The following CHD9 variants were observed in gnomAD, a reference collection of about 807,000 sequenced individuals.
CHD9 encodes the protein ATP-dependent chromatin remodeler CHD9.
A neutral mutation model predicts 316.1 loss-of-function variants in CHD9; 77 were observed. The observed-to-expected ratio is 0.24, with a 90% CI of 0.20 to 0.29. The LOEUF (loss-of-function observed/expected upper bound fraction) is 0.29, where lower values mean the gene tolerates loss of function less well. Ranked by LOEUF, CHD9 falls within the 10% of genes least tolerant of loss-of-function variation. The probability of loss-of-function intolerance (pLI) is 1.00; values close to 1 mark genes in which losing one functional copy is unlikely to be tolerated. For missense variants in CHD9, 2,763 were observed against 3,438.1 expected (o/e 0.80, Z 4.91); for synonymous variants, 1,129 against 1,158.3 (o/e 0.97, Z 0.51).
intron 1 of CHD9, among the ~76,000 whole-genome samples, chr16:53,055,878 G>T (rs951290762): frequency 6.6e-6 from 1 of 152,164 alleles, no homozygotes; most frequent in Non-Finnish European, 1.5e-5. Context: ...GACTCTTAGG[G>T]GTTTATGGGT....
chr16:53,324,037 C>G lies in CHD9; in HGVS notation c.7836C>G (p.Ser2612Arg). ...TCTTCCAGGGATTTCTTCCAGAAAG[C>G]ATGTATGAACGTATTCTCACTGGTC... ...VVKQSGFLPE[S>R]MYERILTGPV... Residue 2612 changes from serine (S) to arginine (R), a missense_variant, in exon 39 of 39, where the codon AGC becomes AGG. Physicochemically the swap from Ser to Arg is moderately radical, Grantham distance 110 (BLOSUM62 -1). Around this residue, in one of 15 missense-constraint regions of CHD9, gnomAD observed 298 missense variants for 380.2 expected, o/e 0.78. Transcript: ENST00000447540. 6.2e-7 allele frequency: 1 copy of G among 1,604,280 alleles called. No homozygotes were observed. The highest frequency in any genetic ancestry group is 8.5e-7 in the Non-Finnish European group (1 of 1,172,522).
intron 27 of CHD9, among the ~76,000 whole-genome samples, chr16:53,290,158 C>T (rs914316770): frequency 6.6e-6 from 1 of 152,116 alleles, no homozygotes; most frequent in Admixed American, 6.5e-5. Flanking sequence ...CCTGTAATCC[C>T]AGCTACTTGG....
chr16:53,246,505 T>TTTTG (rs1555522664), intron 15 of CHD9, among the ~76,000 whole-genome samples: 1 of 151,736 alleles, frequency 6.6e-6, no homozygotes, highest in South Asian at 2.1e-4. Context: ...TCTGTGTTTT[T>TTTTG]TTGTTGTTGT....
intron 1 of CHD9, among the ~76,000 whole-genome samples, chr16:53,090,796 A>G (rs977096165): frequency 2.2e-4 from 34 of 152,276 alleles, no homozygotes; most frequent in Admixed American, 8.5e-4. Flanking sequence ...GGGGTGGCAG[A>G]CATCCTTTTC....
At chr16:53,226,295 A>G in intron 4 of CHD9, 71 bp from the exon 5 acceptor site, 1 of 1,057,020 alleles carries the variant, frequency 9.5e-7, no homozygotes, top group Non-Finnish European at 1.3e-6. Context: ...TGCCAACTCT[A>G]GGGGTAATTA....
chr16:53,314,563 A>T, intron 35 of CHD9, 47 bp downstream of exon 35: 1 of 1,412,956 alleles, frequency 7.1e-7, no homozygotes. Flanking sequence ...TCAAAATTCA[A>T]TCCTAATAAA....
chr16:53,168,345 G>C (rs1019151539), intron 2 of CHD9, among the ~76,000 whole-genome samples: 1 of 152,090 alleles, frequency 6.6e-6, no homozygotes, highest in African/African-American at 2.4e-5. Context: ...TTACAGGCAT[G>C]AGCCACCACA....
chr16:53,064,286 T>G lies in CHD9; in HGVS notation c.-165+9209T>G, dbSNP rs117465608. 4.9e-3 allele frequency among the ~76,000 whole-genome samples: 752 copies of G among 152,356 alleles called. 28 individuals carry two copies. In the East Asian group the frequency reaches 0.082, roughly 17 times the overall value. ...ATTGCCAGTTCCTTCTACTAGTTTC[T>G]GTTGCATGTTCTTGGCCTCTTCCCC... is the stretch of plus-strand genomic sequence containing the variant. On this transcript the variant is annotated intron_variant, in intron 1 of 38. Transcript: ENST00000447540.
chr16:53,167,595 G>A (rs954251526), intron 2 of CHD9, among the ~76,000 whole-genome samples: 7 of 151,806 alleles, frequency 4.6e-5, no homozygotes, highest in African/African-American at 1.7e-4. Context: ...TAAAGAAGGT[G>A]TTCCTCTAAG....
At chr16:53,079,082 T>C (rs2034793206) in intron 1 of CHD9, among the ~76,000 whole-genome samples, 1 of 152,190 alleles carries the variant, frequency 6.6e-6, no homozygotes, top group Admixed American at 6.5e-5. Flanking sequence ...ACTTTCAGTA[T>C]GGTTGTTTGG....
intron 1 of CHD9, among the ~76,000 whole-genome samples, chr16:53,148,067 C>T (rs1384284797): frequency 6.6e-6 from 1 of 151,808 alleles, no homozygotes; most frequent in Non-Finnish European, 1.5e-5. Context: ...ATTACCCGGG[C>T]ATGGTGGTGG....
At chr16:53,116,235 T>C (rs2038294526) in intron 1 of CHD9, among the ~76,000 whole-genome samples, 1 of 152,128 alleles carries the variant, frequency 6.6e-6, no homozygotes, top group Admixed American at 6.6e-5. Context: ...AATTTTTGTA[T>C]TTTTAGTGGA....
chr16:53,082,582 A>G (rs944783369), intron 1 of CHD9, among the ~76,000 whole-genome samples: 4 of 152,292 alleles, frequency 2.6e-5, no homozygotes, highest in African/African-American at 9.6e-5. Flanking sequence ...ATTTGAGAAC[A>G]AAGAATTTTA....
intron 7 of CHD9, among the ~76,000 whole-genome samples, chr16:53,228,753 T>G (rs1464818066): frequency 6.6e-6 from 1 of 152,186 alleles, no homozygotes; most frequent in Admixed American, 6.5e-5. Context: ...ATCATTTTAC[T>G]GTTCTGTTTC....
chr16:53,206,538 C>T (rs545209946), intron 2 of CHD9, among the ~76,000 whole-genome samples: 21 of 152,100 alleles, frequency 1.4e-4, no homozygotes, highest in Non-Finnish European at 2.6e-4. Flanking sequence ...GTCTTTTAAT[C>T]CCTGCTCCAC....
chr16:53,132,828 A>G (rs2039428731), intron 1 of CHD9, among the ~76,000 whole-genome samples: 1 of 87,146 alleles, frequency 1.1e-5, no homozygotes, highest in South Asian at 4.1e-4. Context: ...TTTGGTGTTG[A>G]GACGGAGTCT....
At position 53,308,622 on chromosome 16, in the gene CHD9, T is replaced by A. The variant is rs1597951382; in HGVS notation, c.7054-64T>A. ...TTTTTTCCTCAGTAAAAAAATTCTCTTAATATCCTGCAATAAGATTTTTTT... is the reference window on the plus strand; with the variant it reads ...TTTTTTCCTCAGTAAAAAAATTCTCATAATATCCTGCAATAAGATTTTTTT... On this transcript the variant is annotated intron_variant, in intron 33 of 38. Coordinates refer to ENST00000447540, the MANE Select transcript of CHD9 (RefSeq NM_001308319.2). The A allele has an allele frequency of 5.5e-6, 7 of 1,271,686 alleles. No individual in the cohort carries two copies. In the East Asian group the frequency reaches 1.7e-4, roughly 32 times the overall value. The allele number at this position is 1,271,686 out of a possible 1,614,324, so 78.8% of individuals were successfully genotyped here. A position where few individuals can be genotyped will look rare whatever the true frequency, so the allele number is the denominator to read the frequency against.
intron 1 of CHD9, among the ~76,000 whole-genome samples, chr16:53,148,789 T>A (rs1396796618): frequency 6.6e-6 from 1 of 152,236 alleles, no homozygotes. Flanking sequence ...TTCTGTTGGT[T>A]GCCTTTTTAT....
intron 3 of CHD9, among the ~76,000 whole-genome samples, chr16:53,217,176 T>C (rs1417797160): frequency 6.6e-6 from 1 of 152,236 alleles, no homozygotes; most frequent in Admixed American, 6.5e-5. Context: ...TGTTTTCATT[T>C]TTGTAACATA....
Sources: gnomAD v4.1 joint callset for allele counts (sites outside exome capture counted in the v4.1 genomes callset) on GRCh38, gnomAD v4.1.1 for gene constraint, gnomAD v4.1.1 regional missense constraint, MANE v1.5 for transcripts, NCBI Gene and HGNC (gene_info 2026-07-23, HGNC 2026-07-21) for gene names.